The following ZMYND8 variants were observed in gnomAD, a reference collection of about 807,000 sequenced individuals.
ZMYND8 encodes MYND-type zinc finger-containing chromatin reader ZMYND8.
In ZMYND8, 37 loss-of-function variants were observed where a neutral mutation model predicts 140.8. The observed-to-expected ratio is 0.26, with a 90% confidence interval of 0.20 to 0.35. The LOEUF is 0.35. Ranked by LOEUF, ZMYND8 falls within the 10% of genes least tolerant of loss-of-function variation. The pLI, the probability that ZMYND8 is intolerant of heterozygous loss-of-function variation, is 1.00. For synonymous variants in ZMYND8, 592 were observed against 597.1 expected (o/e 0.99, Z 0.12); for missense variants, 1,068 against 1,570.0 (o/e 0.68, Z 5.40).
chr20:47,296,815 G>T (rs925321969), intron 4 of ZMYND8, among the ~76,000 whole-genome samples: 1 of 152,074 alleles, frequency 6.6e-6, no homozygotes, highest in Admixed American at 6.6e-5. Context: ...AAGTAGCTAG[G>T]TGTGGTGGTG....
intron 2 of ZMYND8, among the ~76,000 whole-genome samples, chr20:47,332,400 G>C (rs2081032534): frequency 1.3e-5 from 2 of 152,066 alleles, no homozygotes; most frequent in Non-Finnish European, 2.9e-5. Context: ...AGCAGAGAGG[G>C]GAGACAAGTG....
chr20:47,235,699 T>TC (rs1201757862), intron 16 of ZMYND8, among the ~76,000 whole-genome samples: 7 of 143,308 alleles, frequency 4.9e-5, no homozygotes, highest in African/African-American at 1.9e-4. Context: ...AGAGTGAGAC[T>TC]CCATCTCAAA....
intron 16 of ZMYND8, among the ~76,000 whole-genome samples, chr20:47,235,187 A>G (rs1001698505): frequency 6.6e-6 from 1 of 152,200 alleles, no homozygotes; most frequent in South Asian, 2.1e-4. Context: ...AATAAAAACA[A>G]AGCCCAACTA....
intron 2 of ZMYND8, among the ~76,000 whole-genome samples, chr20:47,314,079 G>C (rs963596981): frequency 1.3e-5 from 2 of 150,722 alleles, no homozygotes; most frequent in African/African-American, 5.0e-5. Flanking sequence ...CTCGACTTGG[G>C]GACTACTGGT....
intron 2 of ZMYND8, among the ~76,000 whole-genome samples, chr20:47,314,072 G>A (rs1016814131): frequency 1.3e-5 from 2 of 151,010 alleles, no homozygotes; most frequent in Non-Finnish European, 1.5e-5. Flanking sequence ...AACAAAGCTC[G>A]ACTTGGGGAC....
At chr20:47,351,306 T>C (rs979736718) in intron 1 of ZMYND8, among the ~76,000 whole-genome samples, 2 of 152,102 alleles carry the variant, frequency 1.3e-5, no homozygotes, top group African/African-American at 2.4e-5. Flanking sequence ...AAAGAAAGCA[T>C]CTAGTTTTGA....
chr20:47,209,925 G>T lies in ZMYND8; in HGVS notation c.*836C>A, dbSNP rs2035023889. ...AGCATCTCTGACCAAGTGTGTGTGA[G>T]TGTGTTTAAAGGAACCACAAAGCAA... On this transcript the variant is annotated 3_prime_UTR_variant, in exon 23 of 23. Coordinates refer to ENST00000471951, the MANE Select transcript of ZMYND8 (RefSeq NM_001281775.3). The T allele has an allele frequency of 6.6e-6, 1 of 152,238 alleles. No individual in the cohort carries two copies. The highest frequency in any genetic ancestry group is 2.4e-5 in the African/African-American group (1 of 41,400). 9.4% of individuals were successfully genotyped at this position (152,238 alleles called of 1,614,324 possible).
chr20:47,301,666 C>A (rs1435252963), intron 3 of ZMYND8, among the ~76,000 whole-genome samples: 2 of 151,944 alleles, frequency 1.3e-5, no homozygotes, highest in Non-Finnish European at 2.9e-5. Flanking sequence ...ATCAAAAATG[C>A]TCCAAAATCC....
At position 47,211,998 on chromosome 20, in the gene ZMYND8, C is replaced by G. The variant is rs1003715384; in HGVS notation, c.3568+644G>C. ...CATCAGTGACCAAAAGGGAGCAATA[C>G]TATGGTAGGCAGAGCTGGGGGCAAG... On this transcript the variant is annotated intron_variant, in intron 22 of 22. Transcript: ENST00000471951. 3.3e-5 allele frequency among the ~76,000 whole-genome samples: 5 copies of G among 152,316 alleles called. No homozygotes were observed. The East Asian group carries it at 9.6e-4, about 29-fold the overall frequency.
intron 2 of ZMYND8, chr20:47,318,995 T>C (rs369425284): frequency 7.4e-7 from 1 of 1,351,574 alleles, no homozygotes. Flanking sequence ...TAGCCTCTCT[T>C]GTTCAAAAGA....
At chr20:47,307,089 G>T (rs1420445467) in intron 3 of ZMYND8, among the ~76,000 whole-genome samples, 2 of 152,134 alleles carry the variant, frequency 1.3e-5, no homozygotes, top group Non-Finnish European at 2.9e-5. Context: ...CATTAGAGAA[G>T]TGGGGCCCTG....
Position 47,236,403 on chromosome 20 carries a change from A to G in ZMYND8, c.2779T>C (p.Ser927Pro). The change falls in exon 16 of 23, where the codon TCC (serine) becomes CCC (proline). Residue 927 changes from serine to proline, a missense_variant. This residue lies in a region of ZMYND8 where 383 missense variants were observed against 431.2 expected (regional missense o/e 0.89). Coordinates refer to ENST00000471951, the MANE Select transcript of ZMYND8 (RefSeq NM_001281775.3). ...TSSGSMSTLV[S>P]SVNADLPIAT... is the part of the protein sequence containing the mutation. ...ATGGGCAGGTCAGCGTTGACTGAGG[A>G]CACAAGGGTGCTCATGGACCCCGAG... 3 of 1,614,180 alleles carry G rather than the reference A, an allele frequency of 1.9e-6. No homozygotes were observed. The highest frequency in any genetic ancestry group is 2.5e-6 in the Non-Finnish European group (3 of 1,180,030).
intron 5 of ZMYND8, among the ~76,000 whole-genome samples, chr20:47,292,726 C>T (rs146426761): frequency 6.6e-6 from 1 of 151,922 alleles, no homozygotes; most frequent in African/African-American, 2.4e-5. Flanking sequence ...TTGTGCAAAT[C>T]AGGTAGGGGG....
intron 12 of ZMYND8, among the ~76,000 whole-genome samples, chr20:47,253,700 A>G (rs543365718): frequency 6.6e-5 from 10 of 152,212 alleles, no homozygotes; most frequent in African/African-American, 2.4e-4. Flanking sequence ...ACCTTTCTAA[A>G]CCTTAGGGTC....
chr20:47,231,284 G>T (rs976539932), intron 16 of ZMYND8, among the ~76,000 whole-genome samples: 2 of 152,180 alleles, frequency 1.3e-5, no homozygotes, highest in African/African-American at 4.8e-5. Context: ...GGCCTGGCTT[G>T]ACTGGTGCTG....
chr20:47,300,929 TGTGTGTTTTG>T (rs2077989096), intron 3 of ZMYND8, among the ~76,000 whole-genome samples: 1 of 145,948 alleles, frequency 6.9e-6, no homozygotes, highest in Non-Finnish European at 1.5e-5. Context: ...TGTGTGTGTG[TGTGTGTTTTG>T]TTTTGTTTTT....
chr20:47,278,274 C>T (rs949703678), intron 10 of ZMYND8, among the ~76,000 whole-genome samples: 1 of 152,220 alleles, frequency 6.6e-6, no homozygotes, highest in Non-Finnish European at 1.5e-5. Context: ...TGAGCCGCTG[C>T]ACCCAACCTC....
intron 2 of ZMYND8, among the ~76,000 whole-genome samples, chr20:47,311,473 G>C (rs2078926964): frequency 6.6e-6 from 1 of 152,066 alleles, no homozygotes; most frequent in African/African-American, 2.4e-5. Context: ...GGCCAACATG[G>C]TAAAACCAGT....
chr20:47,246,248 C>A lies in ZMYND8; in HGVS notation c.2044G>T (p.Ala682Ser), dbSNP rs767993233. 5 of 1,614,178 alleles carry A rather than the reference C, an allele frequency of 3.1e-6. No individual in the cohort carries two copies. The East Asian group carries it at 1.1e-4, about 36-fold the overall frequency. Residue 682 changes from alanine (A) to serine (S), a missense_variant, in exon 14 of 23, where the codon GCA becomes TCA. By Grantham distance (99) the Ala-to-Ser change is moderately conservative. Transcript: ENST00000471951. ...SPASEKADPG[A>S]VKDKASPEPE... is the part of the protein sequence containing the mutation. ...TCAGGGCTGGCCTTGTCCTTGACTG[C>A]TCCAGGGTCTGCCTTCTCGCTGGCT...
Sources: allele counts gnomAD v4.1 joint callset (sites outside exome capture counted in the v4.1 genomes callset), GRCh38; gene constraint gnomAD v4.1.1; regional missense constraint gnomAD v4.1.1; transcripts MANE v1.5; gene names NCBI Gene and HGNC (gene_info 2026-07-23, HGNC 2026-07-21).